EPAS1: variants seen among roughly 807,000 people sequenced by gnomAD.
EPAS1 encodes endothelial PAS domain protein 1.
A neutral mutation model predicts 87.9 loss-of-function variants in EPAS1; 23 were observed. The observed-to-expected ratio is 0.26, with a 90% CI of 0.19 to 0.37. EPAS1 has a LOEUF of 0.37. EPAS1 is among the 10% of genes least tolerant of loss of function. The probability of loss-of-function intolerance (pLI) is 1.00; values close to 1 mark genes in which losing one functional copy is unlikely to be tolerated. For missense variants in EPAS1, 1,138 were observed against 1,120.7 expected, an observed-to-expected ratio of 1.02 and a Z score of -0.22; for synonymous variants, 508 against 444.3, an observed-to-expected ratio of 1.14 and a Z score of -1.80.
chr2:46,359,865 T>C lies in EPAS1; in HGVS notation c.455-773T>C, dbSNP rs138612236. Among the ~76,000 whole-genome samples, 338 of 152,314 alleles carry C rather than the reference T, an allele frequency of 2.2e-3. 3 individuals are homozygous for C. The highest frequency in any genetic ancestry group is 7.7e-3 in the African/African-American group (321 of 41,564). ...GCTGGCACTCTTCATTACTTTGTTT[T>C]ACAAAAAGTGGAAAATGGTTCTGAA... On this transcript the variant is annotated intron_variant, in intron 4 of 15. Coordinates refer to ENST00000263734, the MANE Select transcript of EPAS1 (RefSeq NM_001430.5).
chr2:46,382,292 G>C lies in EPAS1; in HGVS notation c.2288-133G>C, dbSNP rs983372106. The C allele has an allele frequency of 1.2e-5, 15 of 1,247,186 alleles. No homozygotes were observed. In the South Asian group the frequency reaches 1.6e-4, roughly 13 times the overall value. The allele number at this position is 1,247,186 out of a possible 1,614,324, so 77.3% of individuals were successfully genotyped here. On this transcript the variant is annotated intron_variant, in intron 14 of 15. Transcript: ENST00000263734. ...CACTCTGACTTAGATGATGCCATCAGAGGGTCCTGAAGGTTGGCTGTAGTT... is the reference window on the plus strand; with the variant it reads ...CACTCTGACTTAGATGATGCCATCACAGGGTCCTGAAGGTTGGCTGTAGTT...
intron 7 of EPAS1, 64 bp downstream of exon 7, chr2:46,369,997 G>A: frequency 8.1e-7 from 1 of 1,235,014 alleles, no homozygotes; most frequent in Non-Finnish European, 1.2e-6. Context: ...TGAGTGGGGT[G>A]TGACTGGTGA....
intron 1 of EPAS1, among the ~76,000 whole-genome samples, chr2:46,342,092 G>T (rs1683924580): frequency 6.6e-6 from 1 of 152,116 alleles, no homozygotes; most frequent in Non-Finnish European, 1.5e-5. Flanking sequence ...CCATTGCCCA[G>T]CCTGCACCTG....
chr2:46,384,699 G>T lies in EPAS1; in HGVS notation c.*39G>T, dbSNP rs748487311. On this transcript the variant is annotated 3_prime_UTR_variant, in exon 16 of 16. Transcript: ENST00000263734. ...CCTGGGCAGCACCTCTGCCGACGCC[G>T]TCCCACCAGCTTCACTCTCTCCGTC... 3.1e-6 allele frequency: 5 copies of T among 1,607,560 alleles called. No homozygotes were observed. The highest frequency in any genetic ancestry group is 4.2e-6 in the Non-Finnish European group (5 of 1,178,266).
At position 46,370,025 on chromosome 2, in the gene EPAS1, C is replaced by G. The variant is rs1037664938; in HGVS notation, c.886+92C>G. Reference sequence around the variant, plus strand: ...ACTGGTGAGACAGAAGACCAGGTCACTTCCTCCACAGAGCTGCTGTCTTGT... The same window carrying G: ...ACTGGTGAGACAGAAGACCAGGTCAGTTCCTCCACAGAGCTGCTGTCTTGT... On this transcript the variant is annotated intron_variant, in intron 7 of 15. Transcript: ENST00000263734. 4 of 938,778 alleles carry G rather than the reference C, an allele frequency of 4.3e-6. No individual in the cohort carries two copies. The African/African-American group carries it at 6.5e-5, about 15-fold the overall frequency. The allele number at this position is 938,778 out of a possible 1,614,324, so 58.2% of individuals were successfully genotyped here.
chr2:46,309,554 A>G (rs1418240685), intron 1 of EPAS1, among the ~76,000 whole-genome samples: 1 of 152,208 alleles, frequency 6.6e-6, no homozygotes, highest in Non-Finnish European at 1.5e-5. Flanking sequence ...TGGAGATTAG[A>G]GGGAGGTTTA....
At chr2:46,355,631 T>TAC (rs1164969391) in intron 2 of EPAS1, among the ~76,000 whole-genome samples, 6 of 152,236 alleles carry the variant, frequency 3.9e-5, no homozygotes, top group Non-Finnish European at 7.3e-5. Flanking sequence ...ACGACTACCA[T>TAC]TATATTCAGG....
chr2:46,372,302 C>T (rs1388147050), intron 7 of EPAS1, among the ~76,000 whole-genome samples: 1 of 152,158 alleles, frequency 6.6e-6, no homozygotes, highest in African/African-American at 2.4e-5. Context: ...CCCTTGCCCC[C>T]GACCCCTGTC....
intron 1 of EPAS1, among the ~76,000 whole-genome samples, chr2:46,304,845 AG>A (rs1283933995): frequency 6.6e-6 from 1 of 152,226 alleles, no homozygotes; most frequent in Non-Finnish European, 1.5e-5. Flanking sequence ...TTGCAAGCAC[AG>A]GAAGGAAAGA....
chr2:46,309,463 T>C (rs1303794424), intron 1 of EPAS1, among the ~76,000 whole-genome samples: 1 of 152,206 alleles, frequency 6.6e-6, no homozygotes, highest in East Asian at 1.9e-4. Context: ...GAGCAAACAA[T>C]GGAAGATTGA....
chr2:46,312,643 G>C (rs1218940716), intron 1 of EPAS1, among the ~76,000 whole-genome samples: 1 of 152,090 alleles, frequency 6.6e-6, no homozygotes, highest in Non-Finnish European at 1.5e-5. Context: ...GGAAAAGCTA[G>C]GGGACTCTTG....
intron 1 of EPAS1, among the ~76,000 whole-genome samples, chr2:46,328,445 C>T (rs1287819425): frequency 6.6e-6 from 1 of 152,164 alleles, no homozygotes; most frequent in African/African-American, 2.4e-5. Context: ...AGATGAAGTG[C>T]AAGCTTGAAC....
intron 1 of EPAS1, among the ~76,000 whole-genome samples, chr2:46,329,561 C>T (rs1390144083): frequency 5.3e-5 from 8 of 152,202 alleles, no homozygotes; most frequent in East Asian, 3.9e-4. Flanking sequence ...TGGTGGCTCG[C>T]GCCTGTAATC....
intron 1 of EPAS1, among the ~76,000 whole-genome samples, chr2:46,330,571 C>T (rs1341960366): frequency 2.6e-5 from 4 of 152,218 alleles, no homozygotes; most frequent in African/African-American, 9.6e-5. Context: ...AAGGTCTTTG[C>T]GCTAAAACAG....
intron 1 of EPAS1, among the ~76,000 whole-genome samples, chr2:46,298,297 T>C (rs150100711): frequency 3.3e-5 from 5 of 152,350 alleles, no homozygotes; most frequent in Non-Finnish European, 7.4e-5. Flanking sequence ...TGTGGGTGCA[T>C]GTCCTCGACT....
At chr2:46,364,211 G>C (rs778688145) in intron 6 of EPAS1, among the ~76,000 whole-genome samples, 74 of 152,196 alleles carry the variant, frequency 4.9e-4, no homozygotes, top group Non-Finnish European at 4.7e-4. Flanking sequence ...AAATTCACTA[G>C]GTTTAATGAC....
intron 2 of EPAS1, among the ~76,000 whole-genome samples, chr2:46,353,805 C>A (rs994653969): frequency 6.6e-6 from 1 of 152,222 alleles, no homozygotes; most frequent in African/African-American, 2.4e-5. Flanking sequence ...CTGTGGTTCT[C>A]CCCTCTCCAG....
intron 6 of EPAS1, among the ~76,000 whole-genome samples, chr2:46,366,057 A>G (rs1327122889): frequency 3.3e-5 from 5 of 150,290 alleles, no homozygotes; most frequent in South Asian, 2.1e-4. Flanking sequence ...TGTAGGGAAC[A>G]GGGGTAAAAA....
At chr2:46,341,670 G>A (rs1683917022) in intron 1 of EPAS1, among the ~76,000 whole-genome samples, 1 of 152,214 alleles carries the variant, frequency 6.6e-6, no homozygotes, top group Non-Finnish European at 1.5e-5. Flanking sequence ...GAGGGAAAGA[G>A]TGTGGTTAGG....
Sources: allele counts gnomAD v4.1 joint callset (sites outside exome capture counted in the v4.1 genomes callset), GRCh38; gene constraint gnomAD v4.1.1; transcripts MANE v1.5; gene names NCBI Gene and HGNC (gene_info 2026-07-23, HGNC 2026-07-21).